The following BICDL1 variants were observed in gnomAD, a reference collection of about 807,000 sequenced individuals.
BICDL1 encodes BICD family like cargo adaptor 1, also known as BICD family-like cargo adapter 1.
Under a neutral mutation model 76.8 loss-of-function variants are expected in BICDL1, and 20 were observed. That is an observed-to-expected ratio of 0.26 (90% CI 0.18 to 0.38). The LOEUF is 0.38. Among genes scored for constraint, BICDL1 ranks in the 10% least tolerant of loss-of-function variants. The pLI is 1.00. For missense variants in BICDL1, 700 were observed against 798.6 expected, an observed-to-expected ratio of 0.88 and a Z score of 1.49; for synonymous variants, 383 against 337.1, an observed-to-expected ratio of 1.14 and a Z score of -1.49.
rs1188801022 is a variant in BICDL1 at position 120,090,974 on chromosome 12, G to A, written c.1704+903G>A. ...GTTTCTGATCTAGTGGCCTTTCTCA[G>A]TTCCCGTATCAACAGCTTTAGTTGT... On this transcript the variant is annotated intron_variant, in intron 9 of 9. Coordinates refer to ENST00000548673, the MANE Select transcript of BICDL1 (RefSeq NM_001367886.1). 9 of 1,288,670 alleles carry A rather than the reference G, an allele frequency of 7.0e-6. No individual in the cohort carries two copies. The Admixed American group carries it at 2.1e-4, about 30-fold the overall frequency. 79.8% of individuals were successfully genotyped at this position (1,288,670 alleles called of 1,614,324 possible). A position where few individuals can be genotyped will look rare whatever the true frequency, so the allele number is the denominator to read the frequency against.
chr12:120,003,621 ATAT>A (rs1951800271), intron 2 of BICDL1, among the ~76,000 whole-genome samples: 1 of 152,216 alleles, frequency 6.6e-6, no homozygotes, highest in Non-Finnish European at 1.5e-5. Context: ...TAGACACCTA[ATAT>A]TATTATCATA....
chr12:120,069,074 T>C (rs1872889287), intron 4 of BICDL1, among the ~76,000 whole-genome samples: 1 of 152,204 alleles, frequency 6.6e-6, no homozygotes, highest in African/African-American at 2.4e-5. Context: ...GTTGGACTCA[T>C]TGATCTCTGT....
At chr12:120,022,019 CA>C (rs553532324) in intron 2 of BICDL1, among the ~76,000 whole-genome samples, 369 of 145,570 alleles carry the variant, frequency 2.5e-3, no homozygotes, top group African/African-American at 7.8e-3. Flanking sequence ...ATGACTTTTA[CA>C]AAAAAAACAA....
Position 119,990,223 on chromosome 12 carries a change from G to A in BICDL1, c.355G>A (p.Ala119Thr). The A allele has an allele frequency of 1.3e-6, 2 of 1,573,496 alleles. No individual in the cohort carries two copies. Among genetic ancestry groups the A allele is most frequent in the East Asian group, 2.4e-5 (1 of 42,468 alleles). Reference sequence around the variant, plus strand: ...GGTGTTGGCGGCCCGGCTGGGTAAGGCGCTGCTCGAGAGGAACCAGGACAT... The same window carrying A: ...GGTGTTGGCGGCCCGGCTGGGTAAGACGCTGCTCGAGAGGAACCAGGACAT... ...DLVLAARLGKALLERNQDMSR... is the reference protein window; with the variant it reads ...DLVLAARLGKTLLERNQDMSR... Residue 119 changes from alanine (A) to threonine (T), a missense_variant, in exon 1 of 10, where the codon GCG becomes ACG. Transcript: ENST00000548673.
intron 2 of BICDL1, among the ~76,000 whole-genome samples, chr12:120,045,784 G>A (rs1365994667): frequency 1.5e-5 from 2 of 135,920 alleles, no homozygotes; most frequent in Non-Finnish European, 3.2e-5. Flanking sequence ...TGGGGGGAGG[G>A]GGGAGGGATA....
chr12:120,087,456 C>T (rs1301122350), intron 8 of BICDL1, among the ~76,000 whole-genome samples: 2 of 152,216 alleles, frequency 1.3e-5, no homozygotes, highest in Non-Finnish European at 2.9e-5. Context: ...CAAGTGGGAT[C>T]CACCTGTTCC....
At chr12:120,051,620 G>A (rs1952861913) in intron 2 of BICDL1, among the ~76,000 whole-genome samples, 1 of 151,826 alleles carries the variant, frequency 6.6e-6, no homozygotes, top group South Asian at 2.1e-4. Flanking sequence ...AGTGTCTTGG[G>A]GGCACAACTA....
chr12:120,083,497 C>T (rs1480559989), intron 8 of BICDL1, among the ~76,000 whole-genome samples: 4 of 151,910 alleles, frequency 2.6e-5, no homozygotes, highest in Non-Finnish European at 5.9e-5. Flanking sequence ...TCCTGAGCTC[C>T]AGGGATCTGC....
At position 119,989,628 on chromosome 12, in the gene BICDL1, C is replaced by T. The variant is rs1287940510; in HGVS notation, c.-241C>T. ...CCACCTACTCCGCCACTACCCCCAC[C>T]CCCTCCTCCCGCGCGCGCCTGAGCA... On this transcript the variant is annotated 5_prime_UTR_variant, in exon 1 of 10. Transcript: ENST00000548673. 6.7e-6 allele frequency among the ~76,000 whole-genome samples: 1 copy of T among 149,476 alleles called. No individual in the cohort carries two copies. The highest frequency in any genetic ancestry group is 1.5e-5 in the Non-Finnish European group (1 of 67,146).
In BICDL1 at chr12:119,998,494, G is replaced by GT. The variant is rs749488758; in HGVS notation, c.430-24dup. 3.6e-5 allele frequency: 56 copies of GT among 1,565,700 alleles called. No individual in the cohort carries two copies. In the African/African-American group the frequency reaches 5.5e-4, roughly 15 times the overall value. On this transcript the variant is annotated intron_variant, in intron 1 of 9. Coordinates refer to ENST00000548673, the MANE Select transcript of BICDL1 (RefSeq NM_001367886.1). ...AAAAGGCTGTGGAATTTTTATCAGT[G>GT]TTTAAATCCCTTCACTTTTCACCCA...
At chr12:119,999,543 G>A (rs1440224980) in intron 2 of BICDL1, among the ~76,000 whole-genome samples, 1 of 152,102 alleles carries the variant, frequency 6.6e-6, no homozygotes, top group Non-Finnish European at 1.5e-5. Context: ...TATCTGTATT[G>A]AAAATTTGTT....
chr12:120,000,639 CAT>C, intron 2 of BICDL1: 1 of 152,038 alleles, frequency 6.6e-6, no homozygotes, highest in East Asian at 1.9e-4. Context: ...TACAAAATAA[CAT>C]GAGCTAAAGC....
At position 120,064,859 on chromosome 12, in the gene BICDL1, G is replaced by C; in HGVS notation, c.889G>C (p.Gly297Arg). The change falls in exon 4 of 10, where the codon GGC becomes CGC. Residue 297 changes from glycine (G) to arginine (R), a missense_variant. Coordinates refer to ENST00000548673, the MANE Select transcript of BICDL1 (RefSeq NM_001367886.1). ...CCGGGTGCTAATCCTGGAGAGGCAG[G>C]GCCATGACAAGGACCTACAGGTACT... is the stretch of plus-strand genomic sequence containing the variant. ...QDRVLILERQ[G>R]HDKDLQLHQS... 1 of 1,611,932 alleles carries C rather than the reference G, an allele frequency of 6.2e-7. No homozygotes were observed. The highest frequency in any genetic ancestry group is 8.5e-7 in the Non-Finnish European group (1 of 1,179,076).
intron 9 of BICDL1, chr12:120,091,589 A>G: frequency 2.0e-6 from 2 of 984,778 alleles, no homozygotes; most frequent in Non-Finnish European, 2.4e-6. Flanking sequence ...GATGGAAGAG[A>G]AGGGAAGAAG....
intron 7 of BICDL1, among the ~76,000 whole-genome samples, chr12:120,078,392 T>G (rs1415634549): frequency 1.3e-5 from 2 of 152,196 alleles, no homozygotes; most frequent in African/African-American, 4.8e-5. Flanking sequence ...CTTTTGAATG[T>G]TTTCTTTGCT....
At chr12:120,018,516 G>A (rs780314889) in intron 2 of BICDL1, among the ~76,000 whole-genome samples, 5 of 152,094 alleles carry the variant, frequency 3.3e-5, no homozygotes, top group Non-Finnish European at 7.4e-5. Flanking sequence ...CTTGAAGTCA[G>A]GGTATATTTC....
intron 1 of BICDL1, among the ~76,000 whole-genome samples, chr12:119,990,778 CT>C (rs2138569122): frequency 6.6e-6 from 1 of 152,306 alleles, no homozygotes; most frequent in East Asian, 1.9e-4. Flanking sequence ...ACAAGTGCCC[CT>C]AAAGGAGCTT....
rs1430775674 is a variant in BICDL1 at position 120,094,459 on chromosome 12, A to AAT, written c.*1300_*1301dup. 2 of 311,220 alleles carry AAT rather than the reference A, an allele frequency of 6.4e-6. No individual in the cohort carries two copies. Among genetic ancestry groups the AAT allele is most frequent in the East Asian group, 1.7e-4 (2 of 12,116 alleles). The allele number at this position is 311,220 out of a possible 1,614,324, so 19.3% of individuals were successfully genotyped here. A position where few individuals can be genotyped will look rare whatever the true frequency, so the allele number is the denominator to read the frequency against. The stretch of plus-strand genomic sequence containing the variant: ...ACAGCACACCACTGCTTCTTTTGAA[A>AAT]ATAGTCTGAATAAGAATAAAATGAA... On this transcript the variant is annotated 3_prime_UTR_variant, in exon 10 of 10. Transcript: ENST00000548673.
intron 1 of BICDL1, among the ~76,000 whole-genome samples, chr12:119,995,911 G>A (rs1951634469): frequency 1.3e-5 from 2 of 151,976 alleles, no homozygotes; most frequent in East Asian, 1.9e-4. Context: ...GCGTAAACCC[G>A]GGAGGCGGAG....
Sources: gnomAD v4.1 joint callset for allele counts (sites outside exome capture counted in the v4.1 genomes callset) on GRCh38, gnomAD v4.1.1 for gene constraint, MANE v1.5 for transcripts, NCBI Gene and HGNC (gene_info 2026-07-23, HGNC 2026-07-21) for gene names.